WDR12: variants seen among roughly 807,000 people sequenced by gnomAD.
The protein encoded by WDR12 is ribosome biogenesis protein WDR12.
Under a neutral mutation model 64.3 loss-of-function variants are expected in WDR12, and 42 were observed. The ratio of observed to expected loss-of-function variants is 0.65; its 90% confidence interval spans 0.51 to 0.84. WDR12 has a LOEUF of 0.84. Among genes scored for constraint, WDR12 ranks in the 40% least tolerant of loss-of-function variants. The pLI is 0.00. For synonymous variants in WDR12, 158 were observed against 173.3 expected (o/e 0.91, Z 0.70); for missense variants, 469 against 494.6 (o/e 0.95, Z 0.49).
At chr2:202,881,715 A>G (rs1687951682) in intron 12 of WDR12, among the ~76,000 whole-genome samples, 1 of 152,126 alleles carries the variant, frequency 6.6e-6, no homozygotes. Flanking sequence ...CAGGAGTTCA[A>G]GCCTCAATCT....
chr2:202,887,311 T>C (rs1688065376), intron 8 of WDR12, among the ~76,000 whole-genome samples: 2 of 127,066 alleles, frequency 1.6e-5, no homozygotes, highest in African/African-American at 5.6e-5. Flanking sequence ...GGTGCCCCAC[T>C]GCACTTGGCC....
Position 202,882,746 on chromosome 2 carries a change from C to T in WDR12, c.1159G>A (p.Asp387Asn). ...GTCCAGTCTACACTCAGAACTTTGTCTTCATGAGCAGCCAGATCATAGAGA... is the reference window on the plus strand; with the variant it reads ...GTCCAGTCTACACTCAGAACTTTGTTTTCATGAGCAGCCAGATCATAGAGA... ...APLYDLAAHEDKVLSVDWTDT... is the reference protein window; with the variant it reads ...APLYDLAAHENKVLSVDWTDT... Residue 387 changes from aspartate to asparagine, a missense_variant, in exon 12 of 13, where the codon GAC (aspartate) becomes AAC (asparagine). Transcript: ENST00000261015. 1 of 1,614,052 alleles carries T rather than the reference C, an allele frequency of 6.2e-7. No individual in the cohort carries two copies. Among genetic ancestry groups the T allele is most frequent in the Non-Finnish European group, 8.5e-7 (1 of 1,179,944 alleles).
At chr2:202,893,457 T>C (rs1463185452) in intron 7 of WDR12, among the ~76,000 whole-genome samples, 1 of 152,178 alleles carries the variant, frequency 6.6e-6, no homozygotes, top group Admixed American at 6.5e-5. Context: ...ACTAAAGAAT[T>C]TTCTAAACTA....
intron 10 of WDR12, 156 bp downstream of exon 10, chr2:202,884,042 A>G (rs1688002085): frequency 1.4e-6 from 1 of 718,642 alleles, no homozygotes; most frequent in Admixed American, 2.9e-5. Context: ...CCAACTCCTG[A>G]CCTCATGATC....
chr2:202,893,271 T>C (rs531553954), intron 7 of WDR12, among the ~76,000 whole-genome samples: 10 of 152,196 alleles, frequency 6.6e-5, no homozygotes, highest in African/African-American at 2.4e-4. Flanking sequence ...ATGTTATATA[T>C]AGTAACATGC....
chr2:202,895,497 C>T (rs1688220868), intron 6 of WDR12, among the ~76,000 whole-genome samples: 1 of 146,740 alleles, frequency 6.8e-6, no homozygotes, highest in Non-Finnish European at 1.5e-5. Context: ...AAATGAATGG[C>T]TTGTTTACTT....
chr2:202,882,956 T>C, intron 11 of WDR12, 173 bp from the exon 12 acceptor site: 4 of 538,978 alleles, frequency 7.4e-6, no homozygotes, highest in South Asian at 5.1e-5. Context: ...TCCTGTATCA[T>C]TGGTAGACCA....
chr2:202,911,612 G>A lies in WDR12; in HGVS notation c.-136C>T, dbSNP rs1688660554. The A allele has an allele frequency of 1.0e-5, 8 of 803,848 alleles. No homozygotes were observed. The South Asian group carries it at 1.2e-4, about 12-fold the overall frequency. 49.8% of individuals were successfully genotyped at this position (803,848 alleles called of 1,614,324 possible). On this transcript the variant is annotated 5_prime_UTR_variant, in exon 1 of 13. Coordinates refer to ENST00000261015, the MANE Select transcript of WDR12 (RefSeq NM_018256.4). ...AGGTAAGCGAGGAACTGCAGTCTAA[G>A]CCTGGACTCTGCCTTCTGCCCTCCG...
At chr2:202,891,998 G>C (rs1688164628) in intron 8 of WDR12, among the ~76,000 whole-genome samples, 1 of 152,178 alleles carries the variant, frequency 6.6e-6, no homozygotes, top group Admixed American at 6.5e-5. Flanking sequence ...TACAGCATGG[G>C]TGGTGATGGA....
chr2:202,883,846 C>T (rs1196391591), intron 10 of WDR12, 105 bp from the exon 11 acceptor site: 12 of 1,173,190 alleles, frequency 1.0e-5, no homozygotes, highest in Middle Eastern at 2.0e-4. Flanking sequence ...TGGAGTCTTG[C>T]TCTGTCACCA....
intron 8 of WDR12, among the ~76,000 whole-genome samples, chr2:202,887,760 C>A (rs1031553364): frequency 6.6e-6 from 1 of 151,210 alleles, no homozygotes; most frequent in African/African-American, 2.4e-5. Flanking sequence ...CGGTGGCGGG[C>A]GCCTGTAGTC....
In WDR12 at chr2:202,884,178, C is replaced by G; in HGVS notation, c.988+20G>C. Reference sequence around the variant, plus strand: ...GATGTTATTCACACATATATTCCCCCAGTGGTTTACATGACTCACCTTTAG... The same window carrying G: ...GATGTTATTCACACATATATTCCCCGAGTGGTTTACATGACTCACCTTTAG... On this transcript the variant is annotated intron_variant, in intron 10 of 12. Coordinates refer to ENST00000261015, the MANE Select transcript of WDR12 (RefSeq NM_018256.4). 6.3e-7 allele frequency: 1 copy of G among 1,596,310 alleles called. No homozygotes were observed.
rs184570042 is a variant in WDR12 at position 202,884,793 on chromosome 2, C to T, written c.742-258G>A. Among the ~76,000 whole-genome samples the T allele has an allele frequency of 4.7e-3, 720 of 152,300 alleles. 8 individuals are homozygous for T. The highest frequency in any genetic ancestry group is 0.016 in the African/African-American group (680 of 41,560). On this transcript the variant is annotated intron_variant, in intron 8 of 12. Transcript: ENST00000261015. The stretch of plus-strand genomic sequence containing the variant: ...CTTGAATTTGACCCCAAATATTACT[C>T]GTCTGTAGTCTTTCCACTATATTCT...
chr2:202,897,497 CT>C lies in WDR12; in HGVS notation c.339-83del. 6 of 696,040 alleles carry C rather than the reference CT, an allele frequency of 8.6e-6. No homozygotes were observed. In the South Asian group the frequency reaches 1.1e-4, roughly 13 times the overall value. The allele number at this position is 696,040 out of a possible 1,614,324, so 43.1% of individuals were successfully genotyped here. On this transcript the variant is annotated intron_variant, in intron 4 of 12. Coordinates refer to ENST00000261015, the MANE Select transcript of WDR12 (RefSeq NM_018256.4). Reference sequence around the variant, plus strand: ...TGTTTCTTTGGCAATGACAAAGTAACTTTGAGGATTATACTTTTAAACTCTT... The same window carrying C: ...TGTTTCTTTGGCAATGACAAAGTAACTTGAGGATTATACTTTTAAACTCTT...
In WDR12 at chr2:202,897,315, C is replaced by A; in HGVS notation, c.439G>T (p.Ala147Ser). 1 of 1,597,362 alleles carries A rather than the reference C, an allele frequency of 6.3e-7. No homozygotes were observed. Among genetic ancestry groups the A allele is most frequent in the Non-Finnish European group, 8.5e-7 (1 of 1,173,478 alleles). ...CTGTCCTAACCTTTTTTCACCCAGG[C>A]CACATCTTTTACAACATCCGTATGT... ...VGHTDVVKDV[A>S]WVKKDSLSCL... The change falls in exon 5 of 13, where the codon GCC (alanine) becomes TCC (serine). Residue 147 changes from alanine (A) to serine (S), a missense_variant. By Grantham distance (99) the Ala-to-Ser change is moderately conservative (BLOSUM62 1). Coordinates refer to ENST00000261015, the MANE Select transcript of WDR12 (RefSeq NM_018256.4).
chr2:202,898,931 G>C (rs1372459438), intron 4 of WDR12, among the ~76,000 whole-genome samples: 2 of 135,450 alleles, frequency 1.5e-5, no homozygotes, highest in Non-Finnish European at 3.1e-5. Flanking sequence ...GGGCAAGAGA[G>C]AGAGACCCCG....
chr2:202,911,333 G>A (rs1688634582), intron 1 of WDR12, 103 bp downstream of exon 1: 2 of 1,128,012 alleles, frequency 1.8e-6, no homozygotes, highest in African/African-American at 1.5e-5. Context: ...AGAAAAAAGG[G>A]TGGGGGTGAC....
Position 202,877,216 on chromosome 2 carries a change from ATAT to A in WDR12, c.*3641_*3643del, listed in dbSNP as rs1260670032. The stretch of plus-strand genomic sequence containing the variant: ...ATAATATACTAGGAAGCATTCTGAT[ATAT>A]TATTATGCATTGTTGACAACAGTTC... On this transcript the variant is annotated 3_prime_UTR_variant, in exon 13 of 13. Transcript: ENST00000261015. 3.3e-5 allele frequency: 5 copies of A among 151,944 alleles called. No individual in the cohort carries two copies. The highest frequency in any genetic ancestry group is 4.4e-5 in the Non-Finnish European group (3 of 68,000). 9.4% of individuals were successfully genotyped at this position (151,944 alleles called of 1,614,324 possible).
At chr2:202,907,669 A>C (rs1444141048) in intron 2 of WDR12, among the ~76,000 whole-genome samples, 196 bp downstream of exon 2, 3 of 152,224 alleles carry the variant, frequency 2.0e-5, no homozygotes, top group Non-Finnish European at 4.4e-5. Flanking sequence ...GATTAAACAG[A>C]AATTTTTTTC....
Sources: allele counts gnomAD v4.1 joint callset (sites outside exome capture counted in the v4.1 genomes callset), GRCh38; gene constraint gnomAD v4.1.1; transcripts MANE v1.5; gene names NCBI Gene and HGNC (gene_info 2026-07-23, HGNC 2026-07-21).